Variants in DIP2B observed in about 807,000 individuals in gnomAD.
The protein encoded by DIP2B is disco-interacting protein 2 homolog B.
In DIP2B, 76 loss-of-function variants were observed where a neutral mutation model predicts 198.0. The observed-to-expected ratio is 0.38, with a 90% CI of 0.32 to 0.46. The LOEUF (loss-of-function observed/expected upper bound fraction) is 0.46. Ranked by LOEUF, DIP2B falls within the 20% of genes least tolerant of loss-of-function variation. The pLI is 0.99. For missense variants in DIP2B, 1,559 were observed against 1,978.4 expected (o/e 0.79, Z 4.02); for synonymous variants, 701 against 739.1 (o/e 0.95, Z 0.84).
intron 4 of DIP2B, among the ~76,000 whole-genome samples, chr12:50,664,637 C>T (rs1346688723): frequency 3.3e-5 from 5 of 152,072 alleles, no homozygotes; most frequent in African/African-American, 4.8e-5. Flanking sequence ...TTTTTCCGCA[C>T]CCTTGTGGAC....
chr12:50,669,890 C>T (rs974906637), intron 4 of DIP2B, among the ~76,000 whole-genome samples: 3 of 152,192 alleles, frequency 2.0e-5, no homozygotes, highest in Non-Finnish European at 2.9e-5. Flanking sequence ...CCTACAGTGT[C>T]ACCTGAGTTA....
chr12:50,658,422 C>G (rs971477941), intron 3 of DIP2B, among the ~76,000 whole-genome samples: 3 of 152,118 alleles, frequency 2.0e-5, no homozygotes, highest in African/African-American at 7.2e-5. Context: ...CAGGTGTGAG[C>G]CATTGCACCC....
At chr12:50,698,579 G>C (rs138044361) in intron 18 of DIP2B, 112 bp downstream of exon 18, 7 of 1,305,878 alleles carry the variant, frequency 5.4e-6, no homozygotes, top group Non-Finnish European at 6.2e-6. Context: ...AGTACTTAAC[G>C]CATTTAATTT....
chr12:50,626,166 G>T, intron 2 of DIP2B, 119 bp downstream of exon 2: 1 of 978,536 alleles, frequency 1.0e-6, no homozygotes. Flanking sequence ...CCAGGGGAGA[G>T]AAAAAAACGG....
At chr12:50,735,809 G>A (rs1482438220) in intron 34 of DIP2B, among the ~76,000 whole-genome samples, 1 of 152,212 alleles carries the variant, frequency 6.6e-6, no homozygotes, top group Non-Finnish European at 1.5e-5. Context: ...AGGAGAGGCC[G>A]AGATGGGAGT....
At chr12:50,585,229 A>G (rs913259866) in intron 1 of DIP2B, among the ~76,000 whole-genome samples, 3 of 152,190 alleles carry the variant, frequency 2.0e-5, no homozygotes, top group Non-Finnish European at 4.4e-5. Context: ...TTTCCAGCAA[A>G]TATTGATTGA....
intron 13 of DIP2B, among the ~76,000 whole-genome samples, chr12:50,691,581 T>A (rs1440064505): frequency 6.6e-6 from 1 of 152,254 alleles, no homozygotes; most frequent in Admixed American, 6.5e-5. Context: ...CATAAACCAC[T>A]ATTTGCCTCA....
chr12:50,583,388 C>T lies in DIP2B; in HGVS notation c.101-42588C>T, dbSNP rs142144389. 8.1e-4 allele frequency among the ~76,000 whole-genome samples: 123 copies of T among 152,230 alleles called. 2 individuals carry two copies. The highest frequency in any genetic ancestry group is 2.7e-3 in the African/African-American group (114 of 41,548). Reference sequence around the variant, plus strand: ...CGAGTACTTGTTTCATCTGAACCCCCACCTGTGCTTCAGTCCCTCCATTGG... The same window carrying T: ...CGAGTACTTGTTTCATCTGAACCCCTACCTGTGCTTCAGTCCCTCCATTGG... On this transcript the variant is annotated intron_variant, in intron 1 of 37. Coordinates refer to ENST00000301180, the MANE Select transcript of DIP2B (RefSeq NM_173602.3).
intron 3 of DIP2B, among the ~76,000 whole-genome samples, chr12:50,644,618 T>C (rs1395341776): frequency 6.6e-6 from 1 of 152,196 alleles, no homozygotes; most frequent in Non-Finnish European, 1.5e-5. Flanking sequence ...TTCTTATCAA[T>C]AAGAGTCTTT....
At position 50,714,364 on chromosome 12, in the gene DIP2B, T is replaced by C. The variant is rs766751426; in HGVS notation, c.2650-31T>C. 127 of 1,612,474 alleles carry C rather than the reference T, an allele frequency of 7.9e-5. 4 individuals are homozygous for C. In the South Asian group the frequency reaches 1.4e-3, roughly 18 times the overall value. ...TATGTCAAATGTAATAGAAGTGATC[T>C]CACTGAGTATTTTTGTTTGTATTTT... On this transcript the variant is annotated intron_variant, in intron 22 of 37. Transcript: ENST00000301180.
chr12:50,563,811 T>TA (rs775177029), intron 1 of DIP2B, among the ~76,000 whole-genome samples: 1 of 145,916 alleles, frequency 6.9e-6, no homozygotes, highest in Non-Finnish European at 1.5e-5. Context: ...TTTTTTTTTT[T>TA]AAAAGCTCAT....
intron 23 of DIP2B, among the ~76,000 whole-genome samples, chr12:50,714,882 C>A (rs1351416325): frequency 1.3e-5 from 2 of 152,210 alleles, no homozygotes; most frequent in Non-Finnish European, 2.9e-5. Flanking sequence ...TTGCAGTAAA[C>A]CGAGATTGCG....
chr12:50,653,603 A>G (rs1041501378), intron 3 of DIP2B, among the ~76,000 whole-genome samples: 9 of 151,700 alleles, frequency 5.9e-5, no homozygotes, highest in African/African-American at 2.2e-4. Context: ...TGGCCTCCCA[A>G]AGTGCTGAGA....
At chr12:50,547,874 A>C (rs1958391359) in intron 1 of DIP2B, among the ~76,000 whole-genome samples, 1 of 152,092 alleles carries the variant, frequency 6.6e-6, no homozygotes, top group South Asian at 2.1e-4. Flanking sequence ...TTCGAGACCA[A>C]CTTGGGCAAT....
At chr12:50,561,745 T>G (rs1958521001) in intron 1 of DIP2B, among the ~76,000 whole-genome samples, 1 of 152,174 alleles carries the variant, frequency 6.6e-6, no homozygotes, top group African/African-American at 2.4e-5. Context: ...GTAGCTGGGA[T>G]TACAGGCGTG....
chr12:50,678,574 C>G, intron 7 of DIP2B, 105 bp from the exon 8 acceptor site: 1 of 1,243,926 alleles, frequency 8.0e-7, no homozygotes, highest in Non-Finnish European at 1.1e-6. Context: ...GAGTTTAAAC[C>G]AGGTAAATAT....
intron 1 of DIP2B, among the ~76,000 whole-genome samples, chr12:50,584,716 G>A (rs1226033299): frequency 3.3e-5 from 5 of 151,980 alleles, no homozygotes; most frequent in African/African-American, 7.2e-5. Flanking sequence ...GATGTGTGCC[G>A]CCACACCTGG....
At chr12:50,512,384 GGCTTGA>G (rs1326074135) in intron 1 of DIP2B, among the ~76,000 whole-genome samples, 1 of 152,104 alleles carries the variant, frequency 6.6e-6, no homozygotes, top group African/African-American at 2.4e-5. Context: ...CGGGATTACA[GGCTTGA>G]GCCACTGCAC....
In DIP2B at chr12:50,505,195, G is replaced by C. The variant is rs1957955528; in HGVS notation, c.55G>C (p.Glu19Gln). The change falls in exon 1 of 38, where the codon GAA becomes CAA. Residue 19 changes from glutamate (E) to glutamine (Q), a missense_variant. Glu to Gln is a conservative substitution (Grantham distance 29, BLOSUM62 2). Coordinates refer to ENST00000301180, the MANE Select transcript of DIP2B (RefSeq NM_173602.3). ...GGCCGCGGTGGCGGCGCTGCCGCCT[G>C]AAGTGCGGGCGCAGCTGGCGGAGCT... ...SPAAVAALPP[E>Q]VRAQLAELEL... 2 of 1,524,700 alleles carry C rather than the reference G, an allele frequency of 1.3e-6. No individual in the cohort carries two copies. The highest frequency in any genetic ancestry group is 1.8e-6 in the Non-Finnish European group (2 of 1,141,492). 94.4% of individuals were successfully genotyped at this position (1,524,700 alleles called of 1,614,324 possible).
Sources: allele counts gnomAD v4.1 joint callset (sites outside exome capture counted in the v4.1 genomes callset), GRCh38; gene constraint gnomAD v4.1.1; transcripts MANE v1.5; gene names NCBI Gene and HGNC (gene_info 2026-07-23, HGNC 2026-07-21).